EIF2AK4: variants seen among roughly 807,000 people sequenced by gnomAD.
The protein encoded by EIF2AK4 is eukaryotic translation initiation factor 2 alpha kinase 4, also known as eIF-2-alpha kinase GCN2.
Under a neutral mutation model 211.1 loss-of-function variants are expected in EIF2AK4, and 139 were observed. The ratio of observed to expected loss-of-function variants is 0.66; its 90% CI spans 0.57 to 0.76. The LOEUF is 0.76. Among genes scored for constraint, EIF2AK4 ranks in the 30% least tolerant of loss-of-function variants. EIF2AK4 has a pLI of 0.00. For synonymous variants in EIF2AK4, 710 were observed against 751.3 expected (o/e 0.94, Z 0.90); for missense variants, 1,664 against 2,043.8 (o/e 0.81, Z 3.58).
At chr15:39,973,552 C>T in intron 10 of EIF2AK4, 40 bp from the exon 11 acceptor site, 3 of 1,560,360 alleles carry the variant, frequency 1.9e-6, no homozygotes, top group Non-Finnish European at 2.6e-6. Context: ...TCCTAAATTT[C>T]CAATGCCTCA....
chr15:40,029,426 C>G lies in EIF2AK4; in HGVS notation c.4523C>G (p.Ala1508Gly). 1 of 1,612,884 alleles carries G rather than the reference C, an allele frequency of 6.2e-7. No individual in the cohort carries two copies. The highest frequency in any genetic ancestry group is 8.5e-7 in the Non-Finnish European group (1 of 1,179,744). Residue 1508 changes from alanine (A) to glycine (G), a missense_variant, in exon 34 of 39, where the codon GCA becomes GGA. Physicochemically the swap from Ala to Gly is moderately conservative, Grantham distance 60. This residue lies in a region of EIF2AK4 where 138 missense variants were observed against 165.1 expected (regional missense o/e 0.84). Transcript: ENST00000263791. ...TTTAGAGAAGCTTCCGATAATCTTGCAGTGCAAAATCTGAAGGGGTCATTT... is the reference window on the plus strand; with the variant it reads ...TTTAGAGAAGCTTCCGATAATCTTGGAGTGCAAAATCTGAAGGGGTCATTT... ...RNGREASDNL[A>G]VQNLKGSFSN...
chr15:39,974,609 T>C (rs2034668838), intron 11 of EIF2AK4: 1 of 152,248 alleles, frequency 6.6e-6, no homozygotes. Flanking sequence ...GAGGGGATGA[T>C]TGAAGCGTAT....
chr15:40,014,599 A>G (rs1219499941), intron 27 of EIF2AK4, among the ~76,000 whole-genome samples: 1 of 152,224 alleles, frequency 6.6e-6, no homozygotes, highest in African/African-American at 2.4e-5. Flanking sequence ...CCAGCCCACG[A>G]AACCATTTTT....
chr15:39,943,351 CTTTTT>C (rs5812147), intron 2 of EIF2AK4, 27 bp from the exon 3 acceptor site: 3,552 of 857,708 alleles, frequency 4.1e-3, no homozygotes, highest in East Asian at 7.2e-3. Context: ...TGGAGTAACT[CTTTTT>C]TTTTTTTTTT....
At chr15:39,945,169 C>T (rs1415428967) in intron 3 of EIF2AK4, among the ~76,000 whole-genome samples, 1 of 150,686 alleles carries the variant, frequency 6.6e-6, no homozygotes, top group Non-Finnish European at 1.5e-5. Flanking sequence ...TTTTGAGAGA[C>T]GAAGTCTCAC....
chr15:39,985,645 G>A lies in EIF2AK4; in HGVS notation c.2320-160G>A, dbSNP rs564678782. Among the ~76,000 whole-genome samples the A allele has an allele frequency of 4.6e-5, 7 of 152,316 alleles. No homozygotes were observed. In the South Asian group the frequency reaches 8.3e-4, roughly 18 times the overall value. On this transcript the variant is annotated intron_variant, in intron 13 of 38. Coordinates refer to ENST00000263791, the MANE Select transcript of EIF2AK4 (RefSeq NM_001013703.4). The stretch of plus-strand genomic sequence containing the variant: ...AGACCAGGATTCACAGCCAAATGCT[G>A]TGAGCTTCTAAGGATAGTGGTTATG...
chr15:39,934,702 C>T (rs781440302), intron 1 of EIF2AK4, among the ~76,000 whole-genome samples: 3 of 152,346 alleles, frequency 2.0e-5, no homozygotes, highest in Middle Eastern at 3.4e-3. Context: ...GCAATTCATA[C>T]GCGCCCCTTG....
intron 23 of EIF2AK4, 152 bp downstream of exon 23, chr15:40,003,466 C>G (rs1029520331): frequency 7.9e-7 from 1 of 1,269,150 alleles, no homozygotes; most frequent in African/African-American, 1.5e-5. Context: ...GAGAGTGTTA[C>G]TGGGGTGGAG....
At chr15:40,020,217 A>G (rs1279326385) in intron 30 of EIF2AK4, among the ~76,000 whole-genome samples, 2 of 151,870 alleles carry the variant, frequency 1.3e-5, no homozygotes, top group Admixed American at 1.3e-4. Flanking sequence ...GTGGTCTACA[A>G]AGCTAGAAAT....
chr15:39,979,053 T>G (rs553701881), intron 13 of EIF2AK4, among the ~76,000 whole-genome samples: 9 of 152,368 alleles, frequency 5.9e-5, no homozygotes, highest in African/African-American at 2.2e-4. Flanking sequence ...AGACTAAGTC[T>G]GTGCCTGGTA....
chr15:39,957,080 C>G (rs975282356), intron 6 of EIF2AK4, among the ~76,000 whole-genome samples: 5 of 152,158 alleles, frequency 3.3e-5, no homozygotes. Context: ...TTCTAATAAG[C>G]AACAGAGTTT....
Position 40,021,014 on chromosome 15 carries a change from A to T in EIF2AK4, c.4289A>T (p.Tyr1430Phe), listed in dbSNP as rs927782227. The T allele has an allele frequency of 6.2e-7, 1 of 1,613,200 alleles. No homozygotes were observed. Residue 1430 changes from tyrosine to phenylalanine, a missense_variant, in exon 31 of 39, where the codon TAC becomes TTC. By Grantham distance (22) the Tyr-to-Phe change is conservative. This residue lies in a region of EIF2AK4 where 622 missense variants were observed against 796.8 expected (regional missense o/e 0.78). Transcript: ENST00000263791. ...GCAGGCATCACAGCAGAAATCATGT[A>T]CGACTGGTCACAGGTAATGGGACAA... is the stretch of plus-strand genomic sequence containing the variant. ...WTAGITAEIM[Y>F]DWSQSQEELQ...
At chr15:39,991,866 A>G (rs568043109) in intron 16 of EIF2AK4, 71 of 215,874 alleles carry the variant, frequency 3.3e-4, no homozygotes, top group African/African-American at 1.6e-3. Flanking sequence ...TACTCTTCTT[A>G]GAAAACAGAT....
chr15:40,029,081 T>A (rs2035503768), intron 33 of EIF2AK4, among the ~76,000 whole-genome samples: 1 of 152,186 alleles, frequency 6.6e-6, no homozygotes. Flanking sequence ...CCTTGTATTA[T>A]GAGGGGGGCG....
In EIF2AK4 at chr15:40,022,181, CGTGT is replaced by C. The variant is rs142104639; in HGVS notation, c.4303-307_4303-304del. On this transcript the variant is annotated intron_variant, in intron 31 of 38. Transcript: ENST00000263791. ...TCATTTTCCTCAGAGGCTTTTTCAG[CGTGT>C]GTGTGTGTGTGTGTGTGTGTGTGTG... The C allele has an allele frequency of 4.2e-3, 572 of 137,752 alleles. 5 individuals carry two copies. Among genetic ancestry groups the C allele is most frequent in the Non-Finnish European group, 5.9e-3 (389 of 66,104 alleles). The allele number at this position is 137,752 out of a possible 1,614,324, so 8.5% of individuals were successfully genotyped here.
intron 4 of EIF2AK4, 28 bp from the exon 5 acceptor site, chr15:39,953,876 C>A: frequency 6.2e-7 from 1 of 1,602,348 alleles, no homozygotes; most frequent in Non-Finnish European, 8.5e-7. Flanking sequence ...CAGAGATTGG[C>A]ATTTGATGAT....
chr15:40,032,142 T>C, intron 35 of EIF2AK4, 27 bp from the exon 36 acceptor site: 1 of 1,585,768 alleles, frequency 6.3e-7, no homozygotes, highest in Non-Finnish European at 8.7e-7. Context: ...TTTAACATGT[T>C]CTGAATTCCA....
intron 13 of EIF2AK4, among the ~76,000 whole-genome samples, chr15:39,980,094 C>G (rs1891879188): frequency 6.6e-6 from 1 of 152,144 alleles, no homozygotes; most frequent in African/African-American, 2.4e-5. Flanking sequence ...ACTGATATAT[C>G]ATTTCTTAAT....
At chr15:40,011,461 A>G (rs1204037526) in intron 27 of EIF2AK4, 115 bp downstream of exon 27, 1 of 808,528 alleles carries the variant, frequency 1.2e-6, no homozygotes, top group East Asian at 2.8e-5. Flanking sequence ...ACCACCTCGC[A>G]GATGCAGTTT....
Sources: allele counts gnomAD v4.1 joint callset (sites outside exome capture counted in the v4.1 genomes callset), GRCh38; gene constraint gnomAD v4.1.1; regional missense constraint gnomAD v4.1.1; transcripts MANE v1.5; gene names NCBI Gene and HGNC (gene_info 2026-07-23, HGNC 2026-07-21).